The following ZNF254 variants were observed in gnomAD, a reference collection of about 807,000 sequenced individuals.
The protein encoded by ZNF254 is zinc finger protein 254.
Under a neutral mutation model 12.4 loss-of-function variants are expected in ZNF254, and 10 were observed. That is an observed-to-expected ratio of 0.80 (90% confidence interval 0.50 to 1.36). The LOEUF is 1.36. Ranked by LOEUF, ZNF254 falls within the 40% of genes most tolerant of loss-of-function variation. ZNF254 has a pLI of 0.00. For missense variants in ZNF254, 996 were observed against 763.9 expected, an observed-to-expected ratio of 1.30 and a Z score of -3.58; for synonymous variants, 305 against 253.4, an observed-to-expected ratio of 1.20 and a Z score of -1.93.
Position 24,127,344 on chromosome 19 carries a change from C to A in ZNF254, c.1344C>A (p.Thr448=), listed in dbSNP as rs17854258. 9 of 1,609,918 alleles carry A rather than the reference C, an allele frequency of 5.6e-6. No individual in the cohort carries two copies. The highest frequency in any genetic ancestry group is 4.2e-6 in the Non-Finnish European group (5 of 1,178,704). ...GCAAAGCATTTATCTGGTCCTCAAC[C>A]CTTACTAAACATAAGAGAATTCATA... ...ECGKAFIWSS[T]LTKHKRIHTR... is the part of the protein sequence containing the mutation. The change falls in exon 4 of 4, where the codon ACC becomes ACA. Residue 448 remains threonine (T), a synonymous_variant. Transcript: ENST00000357002.
intron 1 of ZNF254, among the ~76,000 whole-genome samples, chr19:24,040,934 T>C (rs528159434): frequency 6.6e-6 from 1 of 152,294 alleles, no homozygotes; most frequent in African/African-American, 2.4e-5. Flanking sequence ...GAGAGCAACA[T>C]CAGCATTAAC....
chr19:24,113,955 GA>G (rs1194831738), intron 3 of ZNF254, among the ~76,000 whole-genome samples: 3 of 152,014 alleles, frequency 2.0e-5, no homozygotes, highest in African/African-American at 7.3e-5. Flanking sequence ...AAATACCTAG[GA>G]ATCCAACTTA....
At chr19:24,041,455 C>T (rs1032695367) in intron 1 of ZNF254, among the ~76,000 whole-genome samples, 9 of 152,250 alleles carry the variant, frequency 5.9e-5, no homozygotes, top group Non-Finnish European at 1.0e-4. Context: ...ACTTAGCACC[C>T]GGGCTAGTGG....
In ZNF254 at chr19:24,128,716, T is replaced by A. The variant is rs1043040700; in HGVS notation, c.*736T>A. On this transcript the variant is annotated 3_prime_UTR_variant, in exon 4 of 4. Transcript: ENST00000357002. ...TATTCAATCCAAAATTAAGTCTATGTAAATATCAGGGAATAATTCACAGTA... is the reference window on the plus strand; with the variant it reads ...TATTCAATCCAAAATTAAGTCTATGAAAATATCAGGGAATAATTCACAGTA... 5.3e-5 allele frequency: 8 copies of A among 152,114 alleles called. No homozygotes were observed. The highest frequency in any genetic ancestry group is 1.0e-4 in the Non-Finnish European group (7 of 67,956). 9.4% of individuals were successfully genotyped at this position (152,114 alleles called of 1,614,324 possible).
rs560235438 is a variant in ZNF254, at chr19:24,107,182, T to G, written c.253+539T>G. ...TTTTTCCTCAAGATTGCTTTGACTA[T>G]TCAAAGTTTATTGTAGTTTCATGTC... is the stretch of plus-strand genomic sequence containing the variant. On this transcript the variant is annotated intron_variant, in intron 3 of 3. Coordinates refer to ENST00000357002, the MANE Select transcript of ZNF254 (RefSeq NM_203282.4). The G allele has an allele frequency of 7.9e-6, 5 of 630,426 alleles. No individual in the cohort carries two copies. In the East Asian group the frequency reaches 9.2e-5, roughly 12 times the overall value. 39.1% of individuals were successfully genotyped at this position (630,426 alleles called of 1,614,324 possible). A position where few individuals can be genotyped will look rare whatever the true frequency, so the allele number is the denominator to read the frequency against.
chr19:24,081,854 A>G lies in ZNF254; in HGVS notation c.-93-24086A>G, dbSNP rs555950362. Among the ~76,000 whole-genome samples the G allele has an allele frequency of 9.5e-4, 144 of 152,332 alleles. 1 individual carries two copies. Among genetic ancestry groups the G allele is most frequent in the African/African-American group, 3.4e-3 (140 of 41,586 alleles). On this transcript the variant is annotated intron_variant, in intron 2 of 4. Transcript: ENST00000613065. ...AAGAAATAATTCCGATGGGTACAGTATCTCACGCCTGTAATCCCTGCACAT... is the reference window on the plus strand; with the variant it reads ...AAGAAATAATTCCGATGGGTACAGTGTCTCACGCCTGTAATCCCTGCACAT...
chr19:24,083,318 G>A (rs1971915872), upstream of ZNF254, among the ~76,000 whole-genome samples: 1 of 152,130 alleles, frequency 6.6e-6, no homozygotes, highest in Non-Finnish European at 1.5e-5. Flanking sequence ...TATCATAGAT[G>A]ACACATACAA....
At chr19:24,111,499 C>G (rs1453581007) in intron 3 of ZNF254, among the ~76,000 whole-genome samples, 1 of 152,200 alleles carries the variant, frequency 6.6e-6, no homozygotes, top group Non-Finnish European at 1.5e-5. Context: ...AATGGTATTT[C>G]TAGTTCTAGA....
chr19:24,089,272 G>T (rs1290192142), intron 1 of ZNF254, among the ~76,000 whole-genome samples: 1 of 152,038 alleles, frequency 6.6e-6, no homozygotes, highest in East Asian at 1.9e-4. Flanking sequence ...CACTGCACCC[G>T]GCCAATTAAT....
Position 24,127,324 on chromosome 19 carries a change from G to A in ZNF254, c.1324G>A (p.Ala442Thr), listed in dbSNP as rs538209147. 24 of 1,613,454 alleles carry A rather than the reference G, an allele frequency of 1.5e-5. No individual in the cohort carries two copies. In the East Asian group the frequency reaches 4.5e-4, roughly 30 times the overall value. Residue 442 changes from alanine to threonine, a missense_variant, in exon 4 of 4, where the codon GCA (alanine) becomes ACA (threonine). Physicochemically the swap from Ala to Thr is moderately conservative, Grantham distance 58. Transcript: ENST00000357002. ...KPYKCEECGK[A>T]FIWSSTLTKH... is the part of the protein sequence containing the mutation. ...TTACAAGTGTGAAGAATGTGGCAAA[G>A]CATTTATCTGGTCCTCAACCCTTAC...
chr19:24,108,290 A>G (rs1973460492), intron 3 of ZNF254, among the ~76,000 whole-genome samples: 1 of 152,174 alleles, frequency 6.6e-6, no homozygotes, highest in South Asian at 2.1e-4. Context: ...CCAGACTGTG[A>G]CTGGGAAGAG....
At chr19:24,082,482 TAA>T (rs748512682), upstream of ZNF254, among the ~76,000 whole-genome samples, 42 of 70,314 alleles carry the variant, frequency 6.0e-4, no homozygotes, top group African/African-American at 2.2e-3. Flanking sequence ...CCATCTATAC[TAA>T]AAAAAAAAAA....
rs1975125566 is a variant in ZNF254, at chr19:24,129,952, CCTT to C, written c.*1973_*1975del. On this transcript the variant is annotated 3_prime_UTR_variant, in exon 4 of 4. Transcript: ENST00000357002. ...AATATATACTTCTATTAAAGATAAA[CCTT>C]AGGTGTAAATAAATTATGGAGTAAG... is the stretch of plus-strand genomic sequence containing the variant. The C allele has an allele frequency of 1.3e-5, 2 of 151,826 alleles. No individual in the cohort carries two copies. The highest frequency in any genetic ancestry group is 4.8e-5 in the African/African-American group (2 of 41,344). The allele number at this position is 151,826 out of a possible 1,614,324, so 9.4% of individuals were successfully genotyped here.
intron 1 of ZNF254, among the ~76,000 whole-genome samples, chr19:24,094,839 A>C (rs1972582388): frequency 6.6e-6 from 1 of 152,168 alleles, no homozygotes; most frequent in Non-Finnish European, 1.5e-5. Flanking sequence ...GGCACCTGCC[A>C]TCACACCTGG....
chr19:24,097,403 A>G (rs1972736623), intron 1 of ZNF254, among the ~76,000 whole-genome samples: 2 of 152,342 alleles, frequency 1.3e-5, no homozygotes, highest in African/African-American at 2.4e-5. Context: ...AGATTAAAAG[A>G]TACTGAGTAA....
intron 3 of ZNF254, among the ~76,000 whole-genome samples, chr19:24,118,339 A>C (rs1021423228): frequency 6.6e-6 from 1 of 152,026 alleles, no homozygotes; most frequent in Non-Finnish European, 1.5e-5. Context: ...GGCGTGAGCC[A>C]CCTCACTTGG....
Position 24,126,425 on chromosome 19 carries a change from T to C in ZNF254, c.425T>C (p.Leu142Pro). The change falls in exon 4 of 4, where the codon CTT becomes CCT. Residue 142 changes from leucine (L) to proline (P), a missense_variant. Transcript: ENST00000357002. Reference sequence around the variant, plus strand: ...GTGAACAAAGAAGGTTATAATGGACTTAACCAGTGTTTCACAACTGCCCAG... The same window carrying C: ...GTGAACAAAGAAGGTTATAATGGACCTAACCAGTGTTTCACAACTGCCCAG... ...YKVNKEGYNG[L>P]NQCFTTAQSK... 6.2e-7 allele frequency: 1 copy of C among 1,600,656 alleles called. No homozygotes were observed. The highest frequency in any genetic ancestry group is 8.5e-7 in the Non-Finnish European group (1 of 1,176,176).
At chr19:24,037,169 C>G (rs1473170706) in intron 1 of ZNF254, among the ~76,000 whole-genome samples, 1 of 152,206 alleles carries the variant, frequency 6.6e-6, no homozygotes. Flanking sequence ...TGCACTGTCC[C>G]CCACTCACGG....
At chr19:24,052,149 G>C (rs1031126012) in intron 2 of ZNF254, among the ~76,000 whole-genome samples, 17 of 152,166 alleles carry the variant, frequency 1.1e-4, no homozygotes, top group African/African-American at 4.1e-4. Context: ...GCCCAAGCAG[G>C]GATTGTGATG....
Sources: allele counts gnomAD v4.1 joint callset (sites outside exome capture counted in the v4.1 genomes callset), GRCh38; gene constraint gnomAD v4.1.1; transcripts MANE v1.5; gene names NCBI Gene and HGNC (gene_info 2026-07-23, HGNC 2026-07-21).